Variants in FOXK2 observed in about 807,000 individuals in gnomAD.
FOXK2 encodes forkhead box protein K2.
In FOXK2, 24 loss-of-function variants were observed where a neutral mutation model predicts 53.3. The ratio of observed to expected loss-of-function variants is 0.45; its 90% CI spans 0.33 to 0.63. The LOEUF (loss-of-function observed/expected upper bound fraction) is 0.63. Ranked by LOEUF, FOXK2 falls within the 30% of genes least tolerant of loss-of-function variation. The pLI, the probability that FOXK2 is intolerant of heterozygous loss-of-function variation, is 0.03. For synonymous variants in FOXK2, 505 were observed against 407.1 expected (o/e 1.24, Z -2.89); for missense variants, 952 against 910.5 (o/e 1.05, Z -0.59).
At chr17:82,553,693 C>T (rs1265659134) in intron 1 of FOXK2, among the ~76,000 whole-genome samples, 1 of 152,130 alleles carries the variant, frequency 6.6e-6, no homozygotes, top group African/African-American at 2.4e-5. Context: ...TGTGCTGAGC[C>T]CTTAAGACAT....
At chr17:82,594,833 C>T (rs2045293686) in intron 8 of FOXK2, among the ~76,000 whole-genome samples, 1 of 152,194 alleles carries the variant, frequency 6.6e-6, no homozygotes. Context: ...ACTGCTTGTG[C>T]CCAGGAGTTC....
chr17:82,563,043 G>T (rs1205218049), intron 1 of FOXK2, among the ~76,000 whole-genome samples: 1 of 152,130 alleles, frequency 6.6e-6, no homozygotes, highest in Non-Finnish European at 1.5e-5. Context: ...CTGGACCCAA[G>T]TCATCGGCCT....
intron 8 of FOXK2, among the ~76,000 whole-genome samples, chr17:82,597,037 C>T (rs1459138313): frequency 1.3e-5 from 2 of 152,158 alleles, no homozygotes; most frequent in African/African-American, 4.8e-5. Flanking sequence ...CTGGTGAAGG[C>T]GGCGGCGCCT....
Position 82,585,917 on chromosome 17 carries a change from C to G in FOXK2, c.1293C>G (p.Ser431=). ...FAQSAPGSPL[S]SQPVLITVQR... Reference sequence around the variant, plus strand: ...GTCTTTCACCAGGGTCACCTCTGTCCAGTCAGCCAGTCTTAATCACCGTCC... The same window carrying G: ...GTCTTTCACCAGGGTCACCTCTGTCGAGTCAGCCAGTCTTAATCACCGTCC... Residue 431 remains serine, a synonymous_variant, in exon 7 of 9, where the codon TCC becomes TCG. Coordinates refer to ENST00000335255, the MANE Select transcript of FOXK2 (RefSeq NM_004514.4). 1 of 1,611,022 alleles carries G rather than the reference C, an allele frequency of 6.2e-7. No individual in the cohort carries two copies. Among genetic ancestry groups the G allele is most frequent in the Non-Finnish European group, 8.5e-7 (1 of 1,178,490 alleles).
chr17:82,598,855 C>T (rs576329111), intron 8 of FOXK2: 2 of 152,396 alleles, frequency 1.3e-5, no homozygotes, highest in East Asian at 1.9e-4. Context: ...GTGCGTGTGC[C>T]TCTCTCTGTG....
intron 8 of FOXK2, chr17:82,600,133 C>T (rs1047313827): frequency 8.5e-5 from 13 of 152,338 alleles, no homozygotes; most frequent in African/African-American, 2.9e-4. Context: ...TCACGGGGCC[C>T]ACCAAGAAGT....
chr17:82,561,904 T>G (rs1360509917), intron 1 of FOXK2, among the ~76,000 whole-genome samples: 53 of 9,626 alleles, frequency 5.5e-3, no homozygotes, highest in Non-Finnish European at 0.015. Context: ...TCTTCCTCTG[T>G]TGGGGGGGGG....
chr17:82,582,999 G>A, intron 5 of FOXK2, 65 bp downstream of exon 5: 1 of 1,232,170 alleles, frequency 8.1e-7, no homozygotes, highest in South Asian at 2.0e-5. Flanking sequence ...AGTGTATTGG[G>A]AAAATTTCCT....
intron 8 of FOXK2, 92 bp from the exon 9 acceptor site, chr17:82,601,211 T>C: frequency 7.4e-7 from 1 of 1,360,142 alleles, no homozygotes; most frequent in Admixed American, 2.0e-5. Context: ...CGTGGGGTTC[T>C]GACTCGCGAG....
intron 1 of FOXK2, among the ~76,000 whole-genome samples, chr17:82,541,560 G>A (rs1337438794): frequency 6.6e-6 from 1 of 152,088 alleles, no homozygotes; most frequent in Non-Finnish European, 1.5e-5. Flanking sequence ...ACCACGCCTG[G>A]CCAAATTTTT....
At position 82,586,070 on chromosome 17, in the gene FOXK2, C is replaced by G. The variant is rs1242367469; in HGVS notation, c.1446C>G (p.Val482=). The change falls in exon 7 of 9, where the codon GTC becomes GTG. Residue 482 remains valine (V), a synonymous_variant. Transcript: ENST00000335255. ...HVVHQIPAVS[V]TSVAGLAPAN... ...TCCACCAGATCCCAGCGGTGTCGGTCACCAGTGTGGCCGGACTGGCCCCAG... is the reference window on the plus strand; with the variant it reads ...TCCACCAGATCCCAGCGGTGTCGGTGACCAGTGTGGCCGGACTGGCCCCAG... 3 of 1,612,668 alleles carry G rather than the reference C, an allele frequency of 1.9e-6. No homozygotes were observed. In the African/African-American group the frequency reaches 4.0e-5, roughly 22 times the overall value.
intron 1 of FOXK2, among the ~76,000 whole-genome samples, chr17:82,556,193 C>A (rs1302998843): frequency 6.6e-6 from 1 of 152,110 alleles, no homozygotes; most frequent in Admixed American, 6.6e-5. Flanking sequence ...CGCCTGTAAT[C>A]CCAGCACTTT....
chr17:82,567,621 C>T (rs939654889), intron 2 of FOXK2, among the ~76,000 whole-genome samples: 1 of 152,146 alleles, frequency 6.6e-6, no homozygotes, highest in Non-Finnish European at 1.5e-5. Context: ...CCCCTCCCCT[C>T]CCCCACCACC....
chr17:82,590,880 C>T (rs2045246871), intron 8 of FOXK2, among the ~76,000 whole-genome samples: 1 of 152,170 alleles, frequency 6.6e-6, no homozygotes, highest in South Asian at 2.1e-4. Flanking sequence ...GAGACTCTCC[C>T]AGGGGTACCA....
intron 2 of FOXK2, among the ~76,000 whole-genome samples, chr17:82,565,971 G>A (rs902561852): frequency 3.9e-5 from 6 of 151,932 alleles, no homozygotes; most frequent in African/African-American, 1.2e-4. Flanking sequence ...TAACCCTGAG[G>A]ACGTTATGCT....
At chr17:82,568,352 T>C in intron 3 of FOXK2, 151 bp downstream of exon 3, 2 of 946,202 alleles carry the variant, frequency 2.1e-6, no homozygotes, top group South Asian at 1.5e-5. Context: ...GTGTTGCTGC[T>C]GTGTTCTTGG....
At chr17:82,523,729 C>T (rs1465105523) in intron 1 of FOXK2, among the ~76,000 whole-genome samples, 9 of 151,552 alleles carry the variant, frequency 5.9e-5, no homozygotes, top group African/African-American at 1.9e-4. Context: ...TGCTCACCTC[C>T]GCCTCCCAAA....
At chr17:82,551,961 TGGGG>T (rs2044681320) in intron 1 of FOXK2, among the ~76,000 whole-genome samples, 1 of 152,194 alleles carries the variant, frequency 6.6e-6, no homozygotes, top group African/African-American at 2.4e-5. Context: ...CCTTGGACTG[TGGGG>T]AAGCACCTGC....
In FOXK2 at chr17:82,601,494, A is replaced by G; in HGVS notation, c.1978A>G (p.Asn660Asp). Reference sequence around the variant, plus strand: ...AGCCGTAAGGGAAAAGGGTGTCCAGAACTAGCGACCGGGAGAGCTTTTCTT... The same window carrying G: ...AGCCGTAAGGGAAAAGGGTGTCCAGGACTAGCGACCGGGAGAGCTTTTCTT... Reference protein sequence around the residue: ...PAAVREKGVQN With the variant: ...PAAVREKGVQD Residue 660 changes from asparagine to aspartate, a missense_variant, in exon 9 of 9, where the codon AAC (asparagine) becomes GAC (aspartate). Coordinates refer to ENST00000335255, the MANE Select transcript of FOXK2 (RefSeq NM_004514.4). The G allele has an allele frequency of 6.2e-7, 1 of 1,601,056 alleles. No individual in the cohort carries two copies. The highest frequency in any genetic ancestry group is 8.5e-7 in the Non-Finnish European group (1 of 1,171,888).
Sources: allele counts gnomAD v4.1 joint callset (sites outside exome capture counted in the v4.1 genomes callset), GRCh38; gene constraint gnomAD v4.1.1; transcripts MANE v1.5; gene names NCBI Gene and HGNC (gene_info 2026-07-23, HGNC 2026-07-21).